ZNF680: variants seen among roughly 807,000 people sequenced by gnomAD.
The protein encoded by ZNF680 is hypothetical protein FLJ90430.
ZNF680 carries 6 observed loss-of-function variants against 12.1 expected under a neutral mutation model. The ratio of observed to expected loss-of-function variants is 0.49; its 90% confidence interval spans 0.27 to 0.98. The LOEUF is 0.98. ZNF680 is among the 50% of genes least tolerant of loss of function. The pLI, the probability that ZNF680 is intolerant of heterozygous loss-of-function variation, is 0.12. For missense variants in ZNF680, 561 were observed against 616.3 expected, an observed-to-expected ratio of 0.91 and a Z score of 0.95; for synonymous variants, 170 against 199.3, an observed-to-expected ratio of 0.85 and a Z score of 1.24.
At chr7:64,561,890 G>A (rs187993433) in intron 1 of ZNF680, among the ~76,000 whole-genome samples, 5 of 145,288 alleles carry the variant, frequency 3.4e-5, no homozygotes, top group Non-Finnish European at 6.0e-5. Context: ...AGCCGAGATC[G>A]CGCCACTGCA....
intron 1 of ZNF680, 101 bp downstream of exon 1, chr7:64,562,824 T>A: frequency 7.1e-7 from 1 of 1,399,122 alleles, no homozygotes; most frequent in Non-Finnish European, 1.0e-6. Flanking sequence ...GCCGCGGATT[T>A]TGGAGCCCAG....
At chr7:64,510,224 G>A in the ZNF680 span, among the ~76,000 whole-genome samples, 5,790 of 68,490 alleles carry the variant, frequency 0.085, 358 homozygotes, top group East Asian at 0.36. Context: ...CCATAAATAC[G>A]TAATAAAAAA....
At chr7:64,525,953 T>C (rs1240176141) in intron 3 of ZNF680, 146 of 985,072 alleles carry the variant, frequency 1.5e-4, no homozygotes, top group Non-Finnish European at 1.7e-4. Flanking sequence ...AGTAGACATA[T>C]GGCTGATTCA....
chr7:64,542,005 A>G (rs1173198073), intron 3 of ZNF680, among the ~76,000 whole-genome samples: 4 of 152,198 alleles, frequency 2.6e-5, no homozygotes, highest in Non-Finnish European at 5.9e-5. Flanking sequence ...TATAAGGCCC[A>G]CCATATATAG....
At chr7:64,561,004 A>G (rs1315004804) in intron 1 of ZNF680, 2 of 151,902 alleles carry the variant, frequency 1.3e-5, no homozygotes, top group African/African-American at 4.8e-5. Context: ...ATTTTTCACT[A>G]TTTGTCTTTC....
In ZNF680 at chr7:64,562,985, T is replaced by C. The variant is rs1787830030; in HGVS notation, c.-31A>G. 1 of 1,612,406 alleles carries C rather than the reference T, an allele frequency of 6.2e-7. No homozygotes were observed. Among genetic ancestry groups the C allele is most frequent in the Non-Finnish European group, 8.5e-7 (1 of 1,178,854 alleles). Reference sequence around the variant, plus strand: ...CTGTGCATCTCCCAATACCTGCAGATAACGGAGTCACAGAGGCTGGGCCTC... The same window carrying C: ...CTGTGCATCTCCCAATACCTGCAGACAACGGAGTCACAGAGGCTGGGCCTC... On this transcript the variant is annotated 5_prime_UTR_variant, in exon 1 of 4. Transcript: ENST00000309683.
At chr7:64,499,465 T>TTC in the ZNF680 span, among the ~76,000 whole-genome samples, 3 of 152,138 alleles carry the variant, frequency 2.0e-5, no homozygotes, top group Non-Finnish European at 4.4e-5. Flanking sequence ...AAAATACAGG[T>TTC]AAGACAGCTC....
intron 3 of ZNF680, among the ~76,000 whole-genome samples, chr7:64,531,858 G>A (rs1411915718): frequency 6.6e-6 from 1 of 151,974 alleles, no homozygotes; most frequent in Non-Finnish European, 1.5e-5. Flanking sequence ...CACAAACTGA[G>A]ACTGTAAGGT....
chr7:64,551,946 A>G (rs1255466211), intron 1 of ZNF680: 1 of 152,220 alleles, frequency 6.6e-6, no homozygotes, highest in Non-Finnish European at 1.5e-5. Context: ...CATTACGAAA[A>G]AGGGAGCATA....
At chr7:64,527,506 A>G (rs2116398393) in intron 3 of ZNF680, among the ~76,000 whole-genome samples, 1 of 151,992 alleles carries the variant, frequency 6.6e-6, no homozygotes, top group South Asian at 2.1e-4. Flanking sequence ...GACCAGCCTG[A>G]CCAACATGGA....
intron 3 of ZNF680, among the ~76,000 whole-genome samples, chr7:64,527,313 A>G (rs1791914805): frequency 6.6e-6 from 1 of 152,200 alleles, no homozygotes; most frequent in Non-Finnish European, 1.5e-5. Flanking sequence ...CATATCTACA[A>G]GAAACACATA....
Position 64,562,999 on chromosome 7 carries a change from A to G in ZNF680, c.-45T>C, listed in dbSNP as rs1462831428. On this transcript the variant is annotated 5_prime_UTR_variant, in exon 1 of 4. Transcript: ENST00000309683. ...ATACCTGCAGATAACGGAGTCACAG[A>G]GGCTGGGCCTCTAGGAGCAGAATAC... The G allele has an allele frequency of 1.9e-6, 3 of 1,609,938 alleles. No individual in the cohort carries two copies. The highest frequency in any genetic ancestry group is 1.7e-5 in the Admixed American group (1 of 59,952).
chr7:64,521,658 T>C lies in ZNF680; in HGVS notation c.1096A>G (p.Thr366Ala), dbSNP rs1791539970. 1 of 1,612,468 alleles carries C rather than the reference T, an allele frequency of 6.2e-7. No individual in the cohort carries two copies. Among genetic ancestry groups the C allele is most frequent in the Non-Finnish European group, 8.5e-7 (1 of 1,179,742 alleles). ...GKAFNQFANLTRHKKIHTGEK... is the reference protein window; with the variant it reads ...GKAFNQFANLARHKKIHTGEK... ...CCAGTATGAATTTTCTTATGTCTAG[T>C]AAGGTTTGCAAACTGGTTAAAAGCT... The change falls in exon 4 of 4, where the codon ACT becomes GCT. Residue 366 changes from threonine to alanine, a missense_variant. Thr to Ala is a moderately conservative substitution (Grantham distance 58). Transcript: ENST00000309683.
At chr7:64,539,177 T>C (rs1786346457) in intron 3 of ZNF680, among the ~76,000 whole-genome samples, 1 of 149,382 alleles carries the variant, frequency 6.7e-6, no homozygotes, top group African/African-American at 2.5e-5. Context: ...AATCCAGATG[T>C]TGATTTATAA....
chr7:64,542,051 A>G (rs1786534823), intron 3 of ZNF680, among the ~76,000 whole-genome samples: 1 of 152,228 alleles, frequency 6.6e-6, no homozygotes, highest in African/African-American at 2.4e-5. Flanking sequence ...TGTCTGCCCT[A>G]CAGAGCAACA....
chr7:64,535,565 C>T (rs1786121012), intron 3 of ZNF680, among the ~76,000 whole-genome samples: 1 of 151,908 alleles, frequency 6.6e-6, no homozygotes, highest in Non-Finnish European at 1.5e-5. Flanking sequence ...CTGAAAGTAA[C>T]AAAATGAAAA....
At chr7:64,503,285 GT>G in the ZNF680 span, among the ~76,000 whole-genome samples, 2 of 133,580 alleles carry the variant, frequency 1.5e-5, no homozygotes, top group African/African-American at 5.8e-5. Flanking sequence ...CACACATATA[GT>G]TTTGTTCAGT....
chr7:64,508,428 G>A, the ZNF680 span, among the ~76,000 whole-genome samples: 2 of 151,996 alleles, frequency 1.3e-5, no homozygotes, highest in African/African-American at 4.8e-5. Flanking sequence ...CATGGGTTAC[G>A]AACTACTGAT....
At chr7:64,515,257 T>C (rs1183182906), downstream of ZNF680, among the ~76,000 whole-genome samples, 2 of 151,322 alleles carry the variant, frequency 1.3e-5, no homozygotes, top group African/African-American at 4.9e-5. Context: ...TACAACAATA[T>C]AGTTGTTTGC....
Sources: allele counts gnomAD v4.1 joint callset (sites outside exome capture counted in the v4.1 genomes callset), GRCh38; gene constraint gnomAD v4.1.1; transcripts MANE v1.5; gene names NCBI Gene and HGNC (gene_info 2026-07-23, HGNC 2026-07-21).